OXR1: variants seen among roughly 807,000 people sequenced by gnomAD.
The protein encoded by OXR1 is oxidation resistance protein 1.
OXR1 carries 41 observed loss-of-function variants against 104.6 expected under a neutral mutation model. That is an observed-to-expected ratio of 0.39 (90% CI 0.31 to 0.51). OXR1 has a LOEUF of 0.51. OXR1 is among the 20% of genes least tolerant of loss of function. OXR1 has a pLI of 0.77. For missense variants in OXR1, 955 were observed against 1,031.9 expected (o/e 0.93, Z 1.02); for synonymous variants, 348 against 348.4 (o/e 1.00, Z 0.01).
intron 3 of OXR1, among the ~76,000 whole-genome samples, chr8:106,581,751 C>T (rs1818238148): frequency 6.6e-6 from 1 of 152,038 alleles, no homozygotes; most frequent in Admixed American, 6.6e-5. Flanking sequence ...GGGCCAGGCA[C>T]AATGGCTCAC....
Position 106,466,334 on chromosome 8 carries a change from AC to A in OXR1, c.24-52607del, listed in dbSNP as rs139713762. On this transcript the variant is annotated intron_variant, in intron 2 of 16. Coordinates refer to ENST00000517566, the MANE Select transcript of OXR1 (RefSeq NM_001198533.2). ...ATTATTGTTTTGAAATATGGATTAT[AC>A]CACCCAGAGTCACTTTTTTTGTGGG... Among the ~76,000 whole-genome samples, 778 of 152,042 alleles carry A rather than the reference AC, an allele frequency of 5.1e-3. 6 individuals carry two copies. The highest frequency in any genetic ancestry group is 0.018 in the African/African-American group (743 of 41,534).
chr8:106,746,493 T>C (rs1471101026), intron 16 of OXR1, among the ~76,000 whole-genome samples: 3 of 152,198 alleles, frequency 2.0e-5, no homozygotes, highest in Non-Finnish European at 4.4e-5. Context: ...CTTCCTTTGG[T>C]ATTTCTGTCT....
intron 1 of OXR1, among the ~76,000 whole-genome samples, chr8:106,283,892 G>A (rs1812387668): frequency 6.6e-6 from 1 of 151,996 alleles, no homozygotes; most frequent in African/African-American, 2.4e-5. Context: ...CCTTCCTGAT[G>A]TATTCAAGGA....
chr8:106,590,062 G>A (rs1035420425), intron 3 of OXR1, among the ~76,000 whole-genome samples: 7 of 152,068 alleles, frequency 4.6e-5, no homozygotes, highest in African/African-American at 1.5e-4. Context: ...TTCCCAAAAC[G>A]ACAAAACACA....
intron 3 of OXR1, among the ~76,000 whole-genome samples, chr8:106,606,288 C>CTTTA (rs140600718): frequency 0.2 from 28,564 of 145,830 alleles, 2,887 homozygotes; most frequent in East Asian, 0.36. Flanking sequence ...CTATGATACT[C>CTTTA]TTTATTTATT....
chr8:106,285,652 G>A (rs564802411), intron 1 of OXR1, among the ~76,000 whole-genome samples: 142 of 152,036 alleles, frequency 9.3e-4, no homozygotes, highest in African/African-American at 3.2e-3. Flanking sequence ...AGCAGAAGAC[G>A]TAAGAAGTTG....
At chr8:106,272,971 TA>T (rs747138183) in intron 1 of OXR1, 4 of 152,178 alleles carry the variant, frequency 2.6e-5, no homozygotes, top group Non-Finnish European at 5.9e-5. Flanking sequence ...GGGTATCATA[TA>T]AAAGCAGAGA....
intron 2 of OXR1, among the ~76,000 whole-genome samples, chr8:106,458,122 A>G (rs1265020542): frequency 6.6e-6 from 1 of 152,200 alleles, no homozygotes; most frequent in African/African-American, 2.4e-5. Context: ...TAATATGGAT[A>G]GAAGGAAGCC....
intron 3 of OXR1, among the ~76,000 whole-genome samples, chr8:106,597,043 C>G (rs965440274): frequency 6.6e-6 from 1 of 152,038 alleles, no homozygotes; most frequent in African/African-American, 2.4e-5. Flanking sequence ...CAGAGCGAGA[C>G]TGCACCTCAA....
At chr8:106,537,542 G>C (rs1814631407) in intron 3 of OXR1, among the ~76,000 whole-genome samples, 1 of 152,138 alleles carries the variant, frequency 6.6e-6, no homozygotes. Flanking sequence ...TAGGGTTGGG[G>C]GCTGGGGGAG....
intron 16 of OXR1, 121 bp downstream of exon 16, chr8:106,745,983 T>G (rs925202646): frequency 1.7e-6 from 1 of 601,696 alleles, no homozygotes; most frequent in South Asian, 2.4e-5. Context: ...TTGTATATTA[T>G]GAAAAAGAGA....
intron 1 of OXR1, among the ~76,000 whole-genome samples, chr8:106,346,936 G>A (rs986045463): frequency 2.2e-4 from 34 of 152,286 alleles, no homozygotes; most frequent in East Asian, 1.2e-3. Context: ...CCAGCTACTC[G>A]GGAGGCTGAG....
At chr8:106,320,279 T>A (rs1243995942) in intron 1 of OXR1, among the ~76,000 whole-genome samples, 1 of 152,194 alleles carries the variant, frequency 6.6e-6, no homozygotes, top group Non-Finnish European at 1.5e-5. Flanking sequence ...TACAGATCTT[T>A]CCTTCACTGG....
chr8:106,356,019 A>T (rs1233072038), intron 1 of OXR1, among the ~76,000 whole-genome samples: 1 of 152,200 alleles, frequency 6.6e-6, no homozygotes, highest in Non-Finnish European at 1.5e-5. Context: ...AACAAAAGGC[A>T]GAAGTGTTTT....
intron 11 of OXR1, among the ~76,000 whole-genome samples, chr8:106,725,406 A>G (rs532683254): frequency 3.9e-5 from 6 of 152,322 alleles, no homozygotes; most frequent in Admixed American, 3.9e-4. Flanking sequence ...TCATCATGAT[A>G]TTGATATTCT....
At chr8:106,302,370 C>T (rs1348083984) in intron 1 of OXR1, among the ~76,000 whole-genome samples, 1 of 152,048 alleles carries the variant, frequency 6.6e-6, no homozygotes, top group Non-Finnish European at 1.5e-5. Flanking sequence ...ATCACGAGGT[C>T]AGGAGATCGA....
intron 2 of OXR1, among the ~76,000 whole-genome samples, chr8:106,372,554 G>A (rs987710532): frequency 1.3e-5 from 2 of 152,104 alleles, no homozygotes; most frequent in Non-Finnish European, 2.9e-5. Flanking sequence ...GAGTACTGAT[G>A]TGATGCCGCA....
intron 3 of OXR1, among the ~76,000 whole-genome samples, chr8:106,584,276 A>C (rs1818462406): frequency 1.3e-5 from 2 of 151,890 alleles, no homozygotes; most frequent in African/African-American, 2.4e-5. Context: ...CATCATCCAA[A>C]CAGGATCTCC....
At chr8:106,644,387 C>G (rs1388942573) in intron 3 of OXR1, among the ~76,000 whole-genome samples, 1 of 152,204 alleles carries the variant, frequency 6.6e-6, no homozygotes, top group Non-Finnish European at 1.5e-5. Context: ...CAAAATCTAT[C>G]AGTCAAAATA....
Sources: allele counts gnomAD v4.1 joint callset (sites outside exome capture counted in the v4.1 genomes callset), GRCh38; gene constraint gnomAD v4.1.1; transcripts MANE v1.5; gene names NCBI Gene and HGNC (gene_info 2026-07-23, HGNC 2026-07-21).